The following DAB1 variants were observed in gnomAD, a reference collection of about 807,000 sequenced individuals.
The protein encoded by DAB1 is disabled homolog 1.
DAB1 carries 15 observed loss-of-function variants against 64.6 expected under a neutral mutation model. The observed-to-expected ratio is 0.23, with a 90% confidence interval of 0.16 to 0.36. The LOEUF is 0.36. DAB1 is among the 10% of genes least tolerant of loss of function. The probability of loss-of-function intolerance (pLI) is 1.00; values close to 1 mark genes in which losing one functional copy is unlikely to be tolerated. For missense variants in DAB1, 596 were observed against 706.7 expected (o/e 0.84, Z 1.78); for synonymous variants, 235 against 251.9 (o/e 0.93, Z 0.64).
rs143322718 is a variant in DAB1 at position 57,639,797 on chromosome 1, A to T, written n.625+9795T>A. 3.8e-3 allele frequency among the ~76,000 whole-genome samples: 578 copies of T among 152,270 alleles called. 4 individuals are homozygous for T. The highest frequency in any genetic ancestry group is 0.013 in the African/African-American group (527 of 41,560). On this transcript the variant is annotated intron_variant and non_coding_transcript_variant, in intron 7 of 20. Coordinates refer to the DAB1 transcript ENST00000485760. The stretch of plus-strand genomic sequence containing the variant: ...GGAAGAAAATGTTTGAGTCTGTTTC[A>T]GAGACAGAATCAACAAGTGCTCTAG...
chr1:58,035,488 C>T (rs1265128472), intron 5 of DAB1, among the ~76,000 whole-genome samples: 3 of 152,206 alleles, frequency 2.0e-5, no homozygotes, highest in African/African-American at 4.8e-5. Context: ...ACACCAACTA[C>T]ATGGAATGAA....
intron 2 of DAB1, among the ~76,000 whole-genome samples, chr1:57,219,825 A>G (rs1325205113): frequency 6.6e-6 from 1 of 152,192 alleles, no homozygotes; most frequent in Non-Finnish European, 1.5e-5. Context: ...CAAGCTCCAC[A>G]AAATGAACAC....
intron 2 of DAB1, among the ~76,000 whole-genome samples, chr1:58,509,233 T>A (rs1032350262): frequency 1.3e-5 from 2 of 152,046 alleles, no homozygotes; most frequent in Admixed American, 1.3e-4. Flanking sequence ...AAGAGAAATA[T>A]ATTACTTATC....
chr1:57,807,457 G>A (rs990420303), intron 6 of DAB1, among the ~76,000 whole-genome samples: 13 of 152,182 alleles, frequency 8.5e-5, no homozygotes, highest in African/African-American at 3.1e-4. Flanking sequence ...AATTAAAGTA[G>A]TGTGAGCAAT....
intron 5 of DAB1, among the ~76,000 whole-genome samples, chr1:57,960,825 G>T (rs140073807): frequency 6.6e-6 from 1 of 152,252 alleles, no homozygotes; most frequent in Non-Finnish European, 1.5e-5. Flanking sequence ...AAGCCATGCA[G>T]GCATGAGGAG....
rs867868442 is a variant in DAB1 at position 58,410,725 on chromosome 1, A to T, written n.258-67322T>A. On this transcript the variant is annotated intron_variant and non_coding_transcript_variant, in intron 3 of 20. Coordinates refer to the DAB1 transcript ENST00000485760. ...CCTCATGTCTATTCCTGCGCTTAGA[A>T]GTAACCCAGGTTTGAAGGGCTGAAA... Among the ~76,000 whole-genome samples, 26 of 152,310 alleles carry T rather than the reference A, an allele frequency of 1.7e-4. No individual in the cohort carries two copies. The South Asian group carries it at 2.7e-3, about 16-fold the overall frequency.
At chr1:57,950,011 G>A (rs1236055218) in intron 5 of DAB1, among the ~76,000 whole-genome samples, 1 of 151,574 alleles carries the variant, frequency 6.6e-6, no homozygotes, top group Non-Finnish European at 1.5e-5. Context: ...TGGGTACTCA[G>A]ATAAAATGTC....
At chr1:58,219,017 CTCTCTCTCTGTG>C (rs1015491499) in intron 4 of DAB1, among the ~76,000 whole-genome samples, 23 of 125,884 alleles carry the variant, frequency 1.8e-4, no homozygotes, top group African/African-American at 4.9e-4. Flanking sequence ...CTCTCTCTCT[CTCTCTCTCTGTG>C]TGTGTGTGTG....
chr1:57,694,113 G>A (rs759606265), intron 6 of DAB1, among the ~76,000 whole-genome samples: 3 of 152,152 alleles, frequency 2.0e-5, no homozygotes, highest in Non-Finnish European at 4.4e-5. Context: ...TTTGATTTTT[G>A]TATAAGGTGA....
chr1:57,403,288 A>G (rs548233239), intron 1 of DAB1, among the ~76,000 whole-genome samples: 13 of 152,308 alleles, frequency 8.5e-5, no homozygotes, highest in Non-Finnish European at 1.6e-4. Context: ...CTGAACTAGT[A>G]GGATTTGAGC....
intron 4 of DAB1, among the ~76,000 whole-genome samples, chr1:57,107,112 C>G (rs1184167931): frequency 6.6e-6 from 1 of 152,078 alleles, no homozygotes; most frequent in African/African-American, 2.4e-5. Context: ...TGGTGGCTCA[C>G]GCCTGTAATC....
chr1:58,360,813 T>C (rs1644157740), intron 3 of DAB1, among the ~76,000 whole-genome samples: 2 of 152,168 alleles, frequency 1.3e-5, no homozygotes, highest in African/African-American at 4.8e-5. Flanking sequence ...TTATAGAGTA[T>C]TTGGAATTTG....
At chr1:58,181,735 T>C (rs1570455930) in intron 4 of DAB1, among the ~76,000 whole-genome samples, 1 of 151,176 alleles carries the variant, frequency 6.6e-6, no homozygotes, top group South Asian at 2.1e-4. Context: ...TTTCTCCTTC[T>C]TTGTGTTATT....
chr1:58,125,505 A>G (rs2100681203), intron 5 of DAB1, among the ~76,000 whole-genome samples: 1 of 151,614 alleles, frequency 6.6e-6, no homozygotes, highest in East Asian at 1.9e-4. Context: ...CAGTGTTTGC[A>G]ATCACAGCTC....
At chr1:58,186,982 C>T (rs1273509631) in intron 4 of DAB1, among the ~76,000 whole-genome samples, 3 of 152,134 alleles carry the variant, frequency 2.0e-5, no homozygotes, top group Non-Finnish European at 4.4e-5. Flanking sequence ...GACAGCACTA[C>T]TAAATTACAT....
At chr1:57,299,058 T>G (rs2100692345) in intron 1 of DAB1, among the ~76,000 whole-genome samples, 1 of 152,300 alleles carries the variant, frequency 6.6e-6, no homozygotes, top group East Asian at 1.9e-4. Flanking sequence ...ATCATAAAAC[T>G]AACACTGAGA....
intron 3 of DAB1, among the ~76,000 whole-genome samples, chr1:58,405,141 C>G (rs1644603910): frequency 6.6e-6 from 1 of 152,190 alleles, no homozygotes; most frequent in Non-Finnish European, 1.5e-5. Context: ...ACACATCAAG[C>G]CCTTCAATCA....
intron 4 of DAB1, among the ~76,000 whole-genome samples, chr1:58,230,582 C>T (rs370588293): frequency 3.3e-5 from 5 of 152,164 alleles, no homozygotes; most frequent in Admixed American, 2.6e-4. Flanking sequence ...CAAAGGGGCA[C>T]CCTCTTACAA....
chr1:58,077,779 G>A (rs1459587171), intron 5 of DAB1, among the ~76,000 whole-genome samples: 1 of 152,138 alleles, frequency 6.6e-6, no homozygotes, highest in Non-Finnish European at 1.5e-5. Context: ...CCCTCATGCT[G>A]CATCTGTACC....
Sources: allele counts gnomAD v4.1 joint callset (sites outside exome capture counted in the v4.1 genomes callset), GRCh38; gene constraint gnomAD v4.1.1; transcripts MANE v1.5; gene names NCBI Gene and HGNC (gene_info 2026-07-23, HGNC 2026-07-21).